The following NUBPL variants were observed in gnomAD, a reference collection of about 807,000 sequenced individuals.
NUBPL encodes NUBP iron-sulfur cluster assembly factor, mitochondrial.
In NUBPL, 31 loss-of-function variants were observed where a neutral mutation model predicts 45.7. That is an observed-to-expected ratio of 0.68 (90% CI 0.51 to 0.92). NUBPL has a LOEUF of 0.92. Among genes scored for constraint, NUBPL ranks in the 40% least tolerant of loss-of-function variants. NUBPL has a pLI of 0.00. For missense variants in NUBPL, 401 were observed against 398.7 expected (o/e 1.01, Z -0.05); for synonymous variants, 144 against 140.9 (o/e 1.02, Z -0.15).
chr14:31,770,125 A>G (rs766487367), intron 6 of NUBPL, among the ~76,000 whole-genome samples: 1 of 152,110 alleles, frequency 6.6e-6, no homozygotes, highest in African/African-American at 2.4e-5. Flanking sequence ...TCATCCTGTA[A>G]TTGCCTGGTG....
chr14:31,775,856 A>G (rs1239949442), intron 6 of NUBPL, among the ~76,000 whole-genome samples: 4 of 152,176 alleles, frequency 2.6e-5, no homozygotes, highest in Non-Finnish European at 5.9e-5. Context: ...CATGAAGCTA[A>G]TAAAGCTTAA....
intron 10 of NUBPL, among the ~76,000 whole-genome samples, chr14:31,856,866 T>C (rs2040629523): frequency 6.6e-6 from 1 of 152,214 alleles, no homozygotes; most frequent in Non-Finnish European, 1.5e-5. Flanking sequence ...CTTCATGGTT[T>C]GGCGTTGAGT....
chr14:31,562,608 T>G (rs1276547197), intron 2 of NUBPL, among the ~76,000 whole-genome samples: 3 of 146,136 alleles, frequency 2.1e-5, no homozygotes, highest in East Asian at 2.0e-4. Flanking sequence ...TTTTTTGTTT[T>G]TTTTTTTTTT....
At chr14:31,743,412 C>A (rs948980816) in intron 6 of NUBPL, among the ~76,000 whole-genome samples, 1 of 152,134 alleles carries the variant, frequency 6.6e-6, no homozygotes, top group Non-Finnish European at 1.5e-5. Context: ...CAGAGTCTTG[C>A]TCTGTCGCCC....
intron 6 of NUBPL, among the ~76,000 whole-genome samples, chr14:31,691,206 C>T (rs567467459): frequency 6.6e-6 from 1 of 152,352 alleles, no homozygotes; most frequent in Non-Finnish European, 1.5e-5. Flanking sequence ...TTTTCCTCAG[C>T]CTACTCAATG....
intron 6 of NUBPL, among the ~76,000 whole-genome samples, chr14:31,686,024 A>G (rs1297287087): frequency 6.6e-6 from 1 of 152,148 alleles, no homozygotes; most frequent in Non-Finnish European, 1.5e-5. Flanking sequence ...GTACAGAGGC[A>G]GTTCTTTTTA....
chr14:31,669,471 T>C (rs989993831), intron 4 of NUBPL, among the ~76,000 whole-genome samples: 10 of 149,910 alleles, frequency 6.7e-5, no homozygotes, highest in African/African-American at 2.5e-4. Context: ...TTTTTTTTTT[T>C]AAACTTTTAT....
chr14:31,734,039 T>A (rs2038110924), intron 6 of NUBPL, among the ~76,000 whole-genome samples: 1 of 152,228 alleles, frequency 6.6e-6, no homozygotes, highest in South Asian at 2.1e-4. Context: ...GCTTTTCTCC[T>A]TTATTCTGCT....
intron 6 of NUBPL, among the ~76,000 whole-genome samples, chr14:31,779,237 A>G (rs1362689138): frequency 6.6e-6 from 1 of 152,018 alleles, no homozygotes; most frequent in African/African-American, 2.4e-5. Context: ...GCTATTTGGG[A>G]GGCTGAGGGA....
At chr14:31,815,443 G>C (rs1210644081) in intron 7 of NUBPL, among the ~76,000 whole-genome samples, 1 of 152,238 alleles carries the variant, frequency 6.6e-6, no homozygotes, top group African/African-American at 2.4e-5. Context: ...GGGCTGAGAC[G>C]ATGGGGTTTT....
chr14:31,773,071 C>T (rs2039038090), intron 6 of NUBPL, among the ~76,000 whole-genome samples: 1 of 152,038 alleles, frequency 6.6e-6, no homozygotes, highest in African/African-American at 2.4e-5. Flanking sequence ...CATTTATTTC[C>T]ACAAGTCTGT....
chr14:31,786,631 A>G (rs60257183), intron 6 of NUBPL, among the ~76,000 whole-genome samples: 56 of 152,364 alleles, frequency 3.7e-4, no homozygotes, highest in African/African-American at 1.3e-3. Context: ...TCAATGCCCA[A>G]TACATAGTAG....
intron 6 of NUBPL, among the ~76,000 whole-genome samples, chr14:31,782,542 G>T (rs1171133361): frequency 1.3e-5 from 2 of 152,028 alleles, no homozygotes; most frequent in African/African-American, 4.8e-5. Context: ...TGTAATCCCA[G>T]CACTTTGGGA....
At chr14:31,617,661 T>G (rs2034944204) in intron 4 of NUBPL, among the ~76,000 whole-genome samples, 1 of 152,242 alleles carries the variant, frequency 6.6e-6, no homozygotes, top group Non-Finnish European at 1.5e-5. Flanking sequence ...TTTGATGTGC[T>G]GCTGGATTCA....
At chr14:31,617,338 A>G (rs1420310601) in intron 4 of NUBPL, among the ~76,000 whole-genome samples, 1 of 152,178 alleles carries the variant, frequency 6.6e-6, no homozygotes, top group East Asian at 1.9e-4. Context: ...GAAAGAGAGC[A>G]TCCTTGTCTT....
chr14:31,854,675 A>G (rs1353700863), intron 10 of NUBPL, among the ~76,000 whole-genome samples: 1 of 152,232 alleles, frequency 6.6e-6, no homozygotes, highest in East Asian at 1.9e-4. Flanking sequence ...AGAAGGGTTG[A>G]GTAACTTGCC....
intron 6 of NUBPL, among the ~76,000 whole-genome samples, chr14:31,730,492 CTT>C (rs928435503): frequency 4.8e-5 from 7 of 144,426 alleles, no homozygotes; most frequent in Non-Finnish European, 9.0e-5. Context: ...GAGATGGAGT[CTT>C]GCACCGTCGC....
At chr14:31,829,037 G>A (rs1338807235) in intron 8 of NUBPL, among the ~76,000 whole-genome samples, 1 of 152,186 alleles carries the variant, frequency 6.6e-6, no homozygotes, top group African/African-American at 2.4e-5. Context: ...GGATCAGTTA[G>A]AAGGTGAAAG....
intron 4 of NUBPL, among the ~76,000 whole-genome samples, chr14:31,648,288 T>C (rs1195583617): frequency 1.3e-5 from 2 of 152,186 alleles, no homozygotes; most frequent in East Asian, 3.8e-4. Context: ...AAAGTATGTA[T>C]GATATATTGG....
Sources: gnomAD v4.1 joint callset for allele counts (sites outside exome capture counted in the v4.1 genomes callset) on GRCh38, gnomAD v4.1.1 for gene constraint, MANE v1.5 for transcripts, NCBI Gene and HGNC (gene_info 2026-07-23, HGNC 2026-07-21) for gene names.